FCHO2: variants seen among roughly 807,000 people sequenced by gnomAD.
FCHO2 encodes F-BAR domain only protein 2.
A neutral mutation model predicts 114.1 loss-of-function variants in FCHO2; 43 were observed. The ratio of observed to expected loss-of-function variants is 0.38; its 90% CI spans 0.30 to 0.49. FCHO2 has a LOEUF of 0.49. Ranked by LOEUF, FCHO2 falls within the 20% of genes least tolerant of loss-of-function variation. The pLI is 0.97. For synonymous variants in FCHO2, 293 were observed against 315.2 expected, an observed-to-expected ratio of 0.93 and a Z score of 0.75; for missense variants, 807 against 950.4, an observed-to-expected ratio of 0.85 and a Z score of 1.98.
chr5:72,970,510 A>G (rs923798581), intron 2 of FCHO2, among the ~76,000 whole-genome samples: 6 of 151,736 alleles, frequency 4.0e-5, no homozygotes, highest in Non-Finnish European at 5.9e-5. Context: ...TTTCCATTCA[A>G]AAGAAGTAAA....
intron 10 of FCHO2, among the ~76,000 whole-genome samples, chr5:73,037,458 A>T (rs1180097585): frequency 1.3e-5 from 2 of 152,094 alleles, no homozygotes; most frequent in East Asian, 1.9e-4. Context: ...AATGTCTAGA[A>T]ATGGAAAGTT....
At chr5:72,964,478 G>C (rs999109044) in intron 1 of FCHO2, among the ~76,000 whole-genome samples, 1 of 152,076 alleles carries the variant, frequency 6.6e-6, no homozygotes, top group African/African-American at 2.4e-5. Flanking sequence ...CTGCCTCCCG[G>C]GTTCAAGTGA....
chr5:73,087,827 C>T lies in FCHO2; in HGVS notation c.2410+74C>T, dbSNP rs1743363101. 4.7e-6 allele frequency: 7 copies of T among 1,504,028 alleles called. No individual in the cohort carries two copies. The East Asian group carries it at 1.6e-4, about 34-fold the overall frequency. 93.2% of individuals were successfully genotyped at this position (1,504,028 alleles called of 1,614,324 possible). On this transcript the variant is annotated intron_variant, in intron 25 of 25. Transcript: ENST00000430046. ...ATTCTAACAGTTATTAAAAAACTGT[C>T]AAGCAATTTATAATCTAAAGACATG...
At chr5:73,058,250 A>G (rs893386584) in intron 16 of FCHO2, among the ~76,000 whole-genome samples, 183 bp from the exon 17 acceptor site, 1 of 151,994 alleles carries the variant, frequency 6.6e-6, no homozygotes, top group Non-Finnish European at 1.5e-5. Flanking sequence ...GTCTCAAGTG[A>G]TCCTCCTGCC....
chr5:73,007,098 T>A (rs1392545722), intron 6 of FCHO2, among the ~76,000 whole-genome samples: 1 of 152,218 alleles, frequency 6.6e-6, no homozygotes, highest in African/African-American at 2.4e-5. Flanking sequence ...TTTCCTTGTT[T>A]TATTTTCCTG....
At chr5:73,015,916 C>T (rs1359009728) in intron 7 of FCHO2, among the ~76,000 whole-genome samples, 192 bp downstream of exon 7, 1 of 151,462 alleles carries the variant, frequency 6.6e-6, no homozygotes, top group African/African-American at 2.4e-5. Context: ...ATTTGGCCAC[C>T]GAGGATGATA....
At chr5:72,998,198 A>G (rs1007860156) in intron 5 of FCHO2, among the ~76,000 whole-genome samples, 1 of 152,126 alleles carries the variant, frequency 6.6e-6, no homozygotes, top group Admixed American at 6.6e-5. Context: ...AATTACTTTA[A>G]AAAATGTGGT....
At chr5:73,031,872 A>C (rs985946928) in intron 8 of FCHO2, among the ~76,000 whole-genome samples, 5 of 152,218 alleles carry the variant, frequency 3.3e-5, no homozygotes, top group Admixed American at 2.6e-4. Flanking sequence ...AAGTGCTAAG[A>C]GCAGTTATTT....
In FCHO2 at chr5:73,090,168, T is replaced by A. The variant is rs1326867126; in HGVS notation, c.*2078T>A. The A allele has an allele frequency of 1.3e-5, 2 of 152,604 alleles. No individual in the cohort carries two copies. The highest frequency in any genetic ancestry group is 2.9e-5 in the Non-Finnish European group (2 of 67,984). The allele number at this position is 152,604 out of a possible 1,614,324, so 9.5% of individuals were successfully genotyped here. On this transcript the variant is annotated 3_prime_UTR_variant, in exon 26 of 26. Transcript: ENST00000430046. ...TTACCACAGTCTTCATACCAAGTATTGGGTACAGGTTACAATTTTGAAGCC... is the reference window on the plus strand; with the variant it reads ...TTACCACAGTCTTCATACCAAGTATAGGGTACAGGTTACAATTTTGAAGCC...
chr5:73,086,810 C>T (rs1743327916), intron 24 of FCHO2, among the ~76,000 whole-genome samples: 3 of 152,132 alleles, frequency 2.0e-5, no homozygotes, highest in African/African-American at 7.2e-5. Flanking sequence ...TCTGCCACTC[C>T]CCTCTACCTG....
chr5:72,971,219 A>G (rs1178533870), intron 2 of FCHO2, among the ~76,000 whole-genome samples: 1 of 152,088 alleles, frequency 6.6e-6, no homozygotes, highest in African/African-American at 2.4e-5. Context: ...TATACCCAGT[A>G]ATGGGATGGC....
rs187172557 is a variant in FCHO2, at chr5:73,058,823, A to G, written c.1345+299A>G. On this transcript the variant is annotated intron_variant, in intron 17 of 25. Transcript: ENST00000430046. ...TATAGATAATTCAAATACAAAATAT[A>G]TATCAATGTAACCAGTTCTTTCTTG... is the stretch of plus-strand genomic sequence containing the variant. Among the ~76,000 whole-genome samples, 241 of 152,292 alleles carry G rather than the reference A, an allele frequency of 1.6e-3. 3 individuals carry two copies. Among genetic ancestry groups the G allele is most frequent in the Admixed American group, 1.0e-3 (16 of 15,286 alleles).
At chr5:73,029,514 G>T (rs1273172870) in intron 8 of FCHO2, among the ~76,000 whole-genome samples, 1 of 152,164 alleles carries the variant, frequency 6.6e-6, no homozygotes, top group African/African-American at 2.4e-5. Context: ...TTTTCTCATA[G>T]TTTTCAAGCC....
intron 2 of FCHO2, among the ~76,000 whole-genome samples, chr5:72,984,873 C>T (rs954757369): frequency 6.6e-6 from 1 of 151,964 alleles, no homozygotes; most frequent in African/African-American, 2.4e-5. Context: ...AGAGCTCAAG[C>T]GATCCTTCTG....
At chr5:73,079,405 A>G (rs977474285) in intron 22 of FCHO2, among the ~76,000 whole-genome samples, 7 of 152,206 alleles carry the variant, frequency 4.6e-5, no homozygotes, top group Admixed American at 2.0e-4. Context: ...CCAGAAATAG[A>G]TCTAAGAATA....
rs556210918 is a variant in FCHO2, at chr5:72,991,874, C to T, written c.495+1010C>T. Among the ~76,000 whole-genome samples the T allele has an allele frequency of 1.6e-4, 25 of 152,188 alleles. No individual in the cohort carries two copies. The South Asian group carries it at 5.2e-3, about 32-fold the overall frequency. On this transcript the variant is annotated intron_variant, in intron 5 of 25. Transcript: ENST00000430046. The stretch of plus-strand genomic sequence containing the variant: ...TTTATTTTTGATGAAGCATATTAAA[C>T]GGAATACTAGTTTTACATTGAAGTT...
At chr5:73,035,941 C>T (rs1406984363) in intron 9 of FCHO2, among the ~76,000 whole-genome samples, 2 of 152,016 alleles carry the variant, frequency 1.3e-5, no homozygotes, top group African/African-American at 2.4e-5. Context: ...CCTTCTGGTT[C>T]GGATGATTCT....
chr5:73,021,260 A>G lies in FCHO2; in HGVS notation c.796+3952A>G, dbSNP rs1580117717. The G allele has an allele frequency of 5.1e-6, 3 of 586,722 alleles. No individual in the cohort carries two copies. In the East Asian group the frequency reaches 1.0e-4, roughly 20 times the overall value. 36.3% of individuals were successfully genotyped at this position (586,722 alleles called of 1,614,324 possible). On this transcript the variant is annotated intron_variant, in intron 8 of 25. Coordinates refer to ENST00000430046, the MANE Select transcript of FCHO2 (RefSeq NM_138782.3). ...CTCAAGCTCTTCATCCCACAGTAAC[A>G]TGGAGGGCTGAGAACCCATCACCAC...
chr5:73,026,001 A>C (rs928206502), intron 8 of FCHO2, among the ~76,000 whole-genome samples: 3 of 152,110 alleles, frequency 2.0e-5, no homozygotes, highest in African/African-American at 7.3e-5. Flanking sequence ...TTCTTTTAAA[A>C]ATTTGTATAC....
Sources: gnomAD v4.1 joint callset for allele counts (sites outside exome capture counted in the v4.1 genomes callset) on GRCh38, gnomAD v4.1.1 for gene constraint, MANE v1.5 for transcripts, NCBI Gene and HGNC (gene_info 2026-07-23, HGNC 2026-07-21) for gene names.